Variants in DOK6 observed in about 807,000 individuals in gnomAD.
DOK6 encodes the protein downstream of tyrosine kinase 6.
Under a neutral mutation model 44.0 loss-of-function variants are expected in DOK6, and 22 were observed. The ratio of observed to expected loss-of-function variants is 0.50; its 90% CI spans 0.36 to 0.71. DOK6 has a LOEUF of 0.71. Among genes scored for constraint, DOK6 ranks in the 30% least tolerant of loss-of-function variants. DOK6 has a pLI of 0.00. For synonymous variants in DOK6, 166 were observed against 145.5 expected, an observed-to-expected ratio of 1.14 and a Z score of -1.01; for missense variants, 340 against 416.4, an observed-to-expected ratio of 0.82 and a Z score of 1.60.
At chr18:69,444,754 C>T (rs1393393651) in intron 1 of DOK6, among the ~76,000 whole-genome samples, 2 of 151,782 alleles carry the variant, frequency 1.3e-5, no homozygotes, top group Non-Finnish European at 2.9e-5. Flanking sequence ...AGAAATTCTC[C>T]TGCCTCAGCT....
chr18:69,578,339 G>A (rs542374317), intron 2 of DOK6, among the ~76,000 whole-genome samples: 8 of 152,272 alleles, frequency 5.3e-5, no homozygotes, highest in Middle Eastern at 6.8e-3. Context: ...AGGTGATCGC[G>A]AGTAACATAA....
intron 4 of DOK6, 123 bp from the exon 5 acceptor site, chr18:69,698,281 T>C (rs866421156): frequency 1.3e-6 from 1 of 791,630 alleles, no homozygotes; most frequent in Non-Finnish European, 1.9e-6. Context: ...TGTTTATCCA[T>C]ATCACCTAGG....
At chr18:69,821,774 G>GAT (rs1403529736) in intron 7 of DOK6, among the ~76,000 whole-genome samples, 2 of 130,062 alleles carry the variant, frequency 1.5e-5, no homozygotes, top group Admixed American at 8.9e-5. Context: ...CATATTTGTT[G>GAT]ATAGCATGCT....
chr18:69,560,084 G>T (rs954794802), intron 1 of DOK6, among the ~76,000 whole-genome samples: 1 of 152,072 alleles, frequency 6.6e-6, no homozygotes, highest in Non-Finnish European at 1.5e-5. Flanking sequence ...GTAAGAGTTT[G>T]TGGATTACTT....
At chr18:69,714,637 T>C (rs1423741828) in intron 5 of DOK6, among the ~76,000 whole-genome samples, 2 of 152,212 alleles carry the variant, frequency 1.3e-5, no homozygotes, top group African/African-American at 4.8e-5. Flanking sequence ...GCAATATATC[T>C]GCCTCAGAAG....
intron 5 of DOK6, among the ~76,000 whole-genome samples, chr18:69,713,238 A>G (rs1264690305): frequency 1.3e-5 from 2 of 152,248 alleles, no homozygotes; most frequent in African/African-American, 2.4e-5. Context: ...ACTTGTGACA[A>G]TTATTCAACG....
chr18:69,501,061 A>G (rs1377392287), intron 1 of DOK6, among the ~76,000 whole-genome samples: 1 of 152,166 alleles, frequency 6.6e-6, no homozygotes, highest in East Asian at 1.9e-4. Context: ...GGGGTACTGA[A>G]CAAACACAAA....
At chr18:69,795,366 A>G (rs72951563) in intron 7 of DOK6, among the ~76,000 whole-genome samples, 3,769 of 152,314 alleles carry the variant, frequency 0.025, 56 homozygotes, top group Middle Eastern at 0.051. Flanking sequence ...ATGTTTTACA[A>G]TGGGCATAGA....
intron 3 of DOK6, among the ~76,000 whole-genome samples, chr18:69,605,134 A>G (rs534444715): frequency 1.2e-4 from 17 of 136,544 alleles, no homozygotes; most frequent in African/African-American, 4.9e-4. Flanking sequence ...GTGTTTCAGA[A>G]TCAGCTGAGA....
chr18:69,471,304 A>G (rs1980099472), intron 1 of DOK6, among the ~76,000 whole-genome samples: 1 of 144,058 alleles, frequency 6.9e-6, no homozygotes. Context: ...GATGAAGGGC[A>G]GCGAGGAGGC....
intron 1 of DOK6, among the ~76,000 whole-genome samples, chr18:69,559,837 A>G (rs2144594463): frequency 6.6e-6 from 1 of 152,156 alleles, no homozygotes; most frequent in Non-Finnish European, 1.5e-5. Flanking sequence ...TGCTCATGTG[A>G]CCTCTTCCTT....
chr18:69,406,849 G>A (rs967007286), intron 1 of DOK6, among the ~76,000 whole-genome samples: 10 of 152,196 alleles, frequency 6.6e-5, no homozygotes, highest in Non-Finnish European at 5.9e-5. Context: ...GGGAGGCCGA[G>A]GCTGGCGGAT....
At chr18:69,700,934 C>A (rs1407846290) in intron 5 of DOK6, among the ~76,000 whole-genome samples, 1 of 152,178 alleles carries the variant, frequency 6.6e-6, no homozygotes, top group African/African-American at 2.4e-5. Context: ...TTGCCCAAGG[C>A]ATATCACTTG....
intron 3 of DOK6, among the ~76,000 whole-genome samples, chr18:69,651,871 T>C (rs973596584): frequency 6.6e-6 from 1 of 152,192 alleles, no homozygotes; most frequent in Non-Finnish European, 1.5e-5. Context: ...ATTGGTTAAA[T>C]AATACTAATA....
chr18:69,646,210 A>G (rs1475912830), intron 3 of DOK6, among the ~76,000 whole-genome samples: 1 of 152,048 alleles, frequency 6.6e-6, no homozygotes, highest in African/African-American at 2.4e-5. Context: ...CTTGTTTTAC[A>G]GTTTTGTTTT....
chr18:69,845,035 AAC>A lies in DOK6; in HGVS notation c.*3656_*3657del, dbSNP rs368002470. 1 of 152,318 alleles carries A rather than the reference AAC, an allele frequency of 6.6e-6. No homozygotes were observed. The highest frequency in any genetic ancestry group is 1.9e-4 in the East Asian group (1 of 5,188). The allele number at this position is 152,318 out of a possible 1,614,324, so 9.4% of individuals were successfully genotyped here. A position where few individuals can be genotyped will look rare whatever the true frequency, so the allele number is the denominator to read the frequency against. On this transcript the variant is annotated 3_prime_UTR_variant, in exon 8 of 8. Coordinates refer to ENST00000382713, the MANE Select transcript of DOK6 (RefSeq NM_152721.6). Reference sequence around the variant, plus strand: ...TCGTATCTTTATTGTAGATATTAAAAACACATGATAAAAATTGATGTGTGCCC... The same window carrying A: ...TCGTATCTTTATTGTAGATATTAAAAACATGATAAAAATTGATGTGTGCCC...
intron 7 of DOK6, among the ~76,000 whole-genome samples, chr18:69,793,131 A>G (rs868384964): frequency 6.6e-6 from 1 of 152,186 alleles, no homozygotes; most frequent in South Asian, 2.1e-4. Context: ...TATCATTTGT[A>G]TACTGCTTCA....
At chr18:69,810,543 G>T (rs943542051) in intron 7 of DOK6, among the ~76,000 whole-genome samples, 1 of 151,994 alleles carries the variant, frequency 6.6e-6, no homozygotes, top group African/African-American at 2.4e-5. Flanking sequence ...CTACAGAATG[G>T]TAGAAGATAT....
chr18:69,787,915 A>G (rs1980480469), intron 7 of DOK6, among the ~76,000 whole-genome samples: 1 of 152,228 alleles, frequency 6.6e-6, no homozygotes, highest in Non-Finnish European at 1.5e-5. Context: ...TTTAGACTAA[A>G]TATATTCAGC....
Sources: allele counts gnomAD v4.1 joint callset (sites outside exome capture counted in the v4.1 genomes callset), GRCh38; gene constraint gnomAD v4.1.1; transcripts MANE v1.5; gene names NCBI Gene and HGNC (gene_info 2026-07-23, HGNC 2026-07-21).